LRTM1: variants seen among roughly 807,000 people sequenced by gnomAD.
LRTM1 encodes the protein leucine rich repeat transmembrane protein 1.
A neutral mutation model predicts 32.4 loss-of-function variants in LRTM1; 38 were observed. The ratio of observed to expected loss-of-function variants is 1.17; its 90% CI spans 0.91 to 1.54. LRTM1 has a LOEUF of 1.54. Ranked by LOEUF, LRTM1 falls within the 40% of genes most tolerant of loss-of-function variation. LRTM1 has a pLI of 0.00. For missense variants in LRTM1, 466 were observed against 415.4 expected, an observed-to-expected ratio of 1.12 and a Z score of -1.06; for synonymous variants, 186 against 169.9, an observed-to-expected ratio of 1.09 and a Z score of -0.74.
At chr3:54,957,828 A>G (rs895948532) in intron 1 of LRTM1, among the ~76,000 whole-genome samples, 4 of 152,154 alleles carry the variant, frequency 2.6e-5, no homozygotes, top group African/African-American at 9.7e-5. Context: ...GACACAAACC[A>G]TGCATCCCAG....
exon 1 of LRTM1, chr3:54,967,009 G>T (rs1463326328): frequency 2.6e-5 from 4 of 152,250 alleles, no homozygotes; most frequent in African/African-American, 9.6e-5. Flanking sequence ...TTCTTGGGAA[G>T]GCTGTGGTCC....
chr3:54,931,342 C>T (rs185162157), upstream of LRTM1, among the ~76,000 whole-genome samples: 309 of 152,312 alleles, frequency 2.0e-3, 1 homozygote, highest in African/African-American at 7.1e-3. Context: ...CTGGACTGCC[C>T]GCCCCGGACA....
intron 1 of LRTM1, among the ~76,000 whole-genome samples, chr3:54,962,493 A>G (rs1702053200): frequency 6.6e-6 from 1 of 152,222 alleles, no homozygotes; most frequent in Non-Finnish European, 1.5e-5. Context: ...TGATGACAAC[A>G]CTATCAACTA....
intron 1 of LRTM1, among the ~76,000 whole-genome samples, chr3:54,940,146 G>A (rs887135039): frequency 1.3e-5 from 2 of 152,164 alleles, no homozygotes; most frequent in Non-Finnish European, 2.9e-5. Flanking sequence ...TCAGGCCACA[G>A]CCCCACACTC....
intron 1 of LRTM1, among the ~76,000 whole-genome samples, chr3:54,955,061 AGACC>A (rs1234528277): frequency 2.0e-5 from 3 of 152,212 alleles, no homozygotes; most frequent in African/African-American, 7.2e-5. Context: ...AACTGACAAA[AGACC>A]GATTAGTAGG....
rs180907758 is a variant in LRTM1, at chr3:54,958,833, G to A, written c.-222+8095C>T. Among the ~76,000 whole-genome samples, 10 of 152,278 alleles carry A rather than the reference G, an allele frequency of 6.6e-5. No homozygotes were observed. In the East Asian group the frequency reaches 1.7e-3, roughly 27 times the overall value. ...AAAAATATTTTATCTGCCTGGCATGGTGGCTCACACTTGTAATCTCAGCAC... is the reference window on the plus strand; with the variant it reads ...AAAAATATTTTATCTGCCTGGCATGATGGCTCACACTTGTAATCTCAGCAC... On this transcript the variant is annotated intron_variant, in intron 1 of 2. Transcript: ENST00000493075.
chr3:54,943,134 C>T (rs1006774365), intron 1 of LRTM1, among the ~76,000 whole-genome samples: 2 of 150,162 alleles, frequency 1.3e-5, no homozygotes, highest in South Asian at 2.1e-4. Context: ...CCCAGGAGTT[C>T]GAGGCTACAG....
Position 54,918,892 on chromosome 3 carries a change from C to G in LRTM1, c.605G>C (p.Gly202Ala). 1 of 1,520,204 alleles carries G rather than the reference C, an allele frequency of 6.6e-7. No individual in the cohort carries two copies. Among genetic ancestry groups the G allele is most frequent in the South Asian group, 1.3e-5 (1 of 76,034 alleles). The allele number at this position is 1,520,204 out of a possible 1,614,324, so 94.2% of individuals were successfully genotyped here. A position where few individuals can be genotyped will look rare whatever the true frequency, so the allele number is the denominator to read the frequency against. The change falls in exon 3 of 3, where the codon GGG becomes GCG. Residue 202 changes from glycine to alanine, a missense_variant and splice_region_variant. Coordinates refer to ENST00000273286, the MANE Select transcript of LRTM1 (RefSeq NM_020678.4). ...ACAGATGATGCCGTCTGTTAGTCCC[C>G]CTTTAAAAAACAAAAGCAAAGAACA... Reference protein sequence around the residue: ...KLWLEKFVYKGGLTDGIICES... With the variant: ...KLWLEKFVYKAGLTDGIICES...
chr3:54,918,928 C>G lies in LRTM1; in HGVS notation c.605-36G>C, dbSNP rs200210414. On this transcript the variant is annotated intron_variant, in intron 2 of 2. Transcript: ENST00000273286. ...CAAAAGCAAAGAACAATAACAAAGC[C>G]TTGATACAACAGAGTTCCAAAATCC... The G allele has an allele frequency of 8.7e-5, 130 of 1,494,078 alleles. No homozygotes were observed. In the African/African-American group the frequency reaches 1.7e-3, roughly 20 times the overall value. 92.6% of individuals were successfully genotyped at this position (1,494,078 alleles called of 1,614,324 possible).
intron 2 of LRTM1, among the ~76,000 whole-genome samples, chr3:54,922,395 C>T (rs1021031694): frequency 6.6e-6 from 1 of 150,924 alleles, no homozygotes; most frequent in African/African-American, 2.4e-5. Flanking sequence ...CCTGTGCTTA[C>T]AATTTAATCC....
At chr3:54,928,970 G>C (rs2106951053), upstream of LRTM1, among the ~76,000 whole-genome samples, 1 of 152,220 alleles carries the variant, frequency 6.6e-6, no homozygotes, top group South Asian at 2.1e-4. Context: ...GCTGAGGTGG[G>C]GTTTCAACCC....
chr3:54,963,727 G>A (rs1412047588), intron 1 of LRTM1, among the ~76,000 whole-genome samples: 2 of 152,074 alleles, frequency 1.3e-5, no homozygotes, highest in African/African-American at 2.4e-5. Context: ...ATCTCTCTTC[G>A]GTGATTTGAC....
At chr3:54,964,789 C>T (rs1657396098) in intron 1 of LRTM1, among the ~76,000 whole-genome samples, 2 of 150,624 alleles carry the variant, frequency 1.3e-5, no homozygotes, top group South Asian at 4.2e-4. Flanking sequence ...TGTTTATTTG[C>T]TTGTTTGTTG....
chr3:54,931,756 A>G (rs1254995162), upstream of LRTM1, among the ~76,000 whole-genome samples: 1 of 152,212 alleles, frequency 6.6e-6, no homozygotes, highest in Non-Finnish European at 1.5e-5. Context: ...GTTTTCTAAT[A>G]TGTTAGTCTA....
intron 1 of LRTM1, among the ~76,000 whole-genome samples, chr3:54,942,573 T>C (rs1467293004): frequency 6.6e-6 from 1 of 152,114 alleles, no homozygotes; most frequent in Non-Finnish European, 1.5e-5. Flanking sequence ...ACTTAAGTGG[T>C]GCTAAAGATG....
At chr3:54,936,461 T>A (rs928093798) in intron 1 of LRTM1, among the ~76,000 whole-genome samples, 2 of 152,192 alleles carry the variant, frequency 1.3e-5, no homozygotes, top group East Asian at 3.9e-4. Flanking sequence ...AAGTTGATTG[T>A]TAGTATCATG....
At position 54,926,505 on chromosome 3, in the gene LRTM1, T is replaced by TACACACAC. The variant is rs36205023; in HGVS notation, c.8-1298_8-1291dup. ...CTACTGTGCTCCACTGCCTGTCAAATACACACACACACACACACACACACA... is the reference window on the plus strand; with the variant it reads ...CTACTGTGCTCCACTGCCTGTCAAATACACACACACACACACACACACACACACACACA... On this transcript the variant is annotated intron_variant, in intron 1 of 2. Coordinates refer to ENST00000273286, the MANE Select transcript of LRTM1 (RefSeq NM_020678.4). Among the ~76,000 whole-genome samples, 78 of 143,406 alleles carry TACACACAC rather than the reference T, an allele frequency of 5.4e-4. 1 individual carries two copies. The East Asian group carries it at 5.5e-3, about 10-fold the overall frequency. 94.1% of individuals were successfully genotyped at this position (143,406 alleles called of 152,430 possible). A position where few individuals can be genotyped will look rare whatever the true frequency, so the allele number is the denominator to read the frequency against.
intron 1 of LRTM1, among the ~76,000 whole-genome samples, chr3:54,934,831 A>G (rs957801186): frequency 7.9e-5 from 12 of 152,260 alleles, no homozygotes; most frequent in Admixed American, 5.9e-4. Flanking sequence ...TCCAAGGTTC[A>G]AGTGATTCTC....
Position 54,958,994 on chromosome 3 carries a change from G to A in LRTM1, c.-222+7934C>T, listed in dbSNP as rs114028630. Reference sequence around the variant, plus strand: ...CACATGCCTGTAGTCCTAGCTACTCGGGAGACTATGGTGGGATAATTGCCT... The same window carrying A: ...CACATGCCTGTAGTCCTAGCTACTCAGGAGACTATGGTGGGATAATTGCCT... On this transcript the variant is annotated intron_variant, in intron 1 of 2. Coordinates refer to the LRTM1 transcript ENST00000493075. 2.7e-3 allele frequency among the ~76,000 whole-genome samples: 414 copies of A among 152,106 alleles called. 7 individuals carry two copies. The highest frequency in any genetic ancestry group is 5.0e-3 in the African/African-American group (207 of 41,484).
Sources: gnomAD v4.1 joint callset for allele counts (sites outside exome capture counted in the v4.1 genomes callset) on GRCh38, gnomAD v4.1.1 for gene constraint, MANE v1.5 for transcripts, NCBI Gene and HGNC (gene_info 2026-07-23, HGNC 2026-07-21) for gene names.